GRHL2: variants seen among roughly 807,000 people sequenced by gnomAD.
GRHL2 encodes the protein grainyhead-like protein 2 homolog.
GRHL2 carries 21 observed loss-of-function variants against 83.8 expected under a neutral mutation model. The observed-to-expected ratio is 0.25, with a 90% CI of 0.18 to 0.36. The LOEUF (loss-of-function observed/expected upper bound fraction) is 0.36. Among genes scored for constraint, GRHL2 ranks in the 10% least tolerant of loss-of-function variants. The pLI is 1.00. For missense variants in GRHL2, 623 were observed against 781.8 expected (o/e 0.80, Z 2.42); for synonymous variants, 280 against 278.9 (o/e 1.00, Z -0.04).
Position 101,573,740 on chromosome 8 carries a change from C to T in GRHL2, c.807C>T (p.Tyr269=). 1.2e-6 allele frequency: 2 copies of T among 1,614,172 alleles called. No individual in the cohort carries two copies. Among genetic ancestry groups the T allele is most frequent in the Non-Finnish European group, 8.5e-7 (1 of 1,180,030 alleles). ...RQKQGEGPMT[Y]LNKGQFYAIT... ...AGCAGGGGGAGGGCCCCATGACCTA[C>T]CTCAACAAAGGACAGTTCTATGCCA... Residue 269 remains tyrosine (Y), a synonymous_variant, in exon 6 of 16, where the codon TAC becomes TAT. Transcript: ENST00000646743.
chr8:101,524,414 G>A (rs1037059444), intron 1 of GRHL2, among the ~76,000 whole-genome samples: 65 of 151,252 alleles, frequency 4.3e-4, no homozygotes, highest in African/African-American at 1.3e-3. Context: ...TTTCTAACAC[G>A]TTACATGCTT....
At chr8:101,531,617 A>G (rs1810931540) in intron 1 of GRHL2, among the ~76,000 whole-genome samples, 1 of 152,206 alleles carries the variant, frequency 6.6e-6, no homozygotes, top group South Asian at 2.1e-4. Flanking sequence ...ATAAGTTGCC[A>G]TCTCTACAAA....
chr8:101,587,945 C>T lies in GRHL2; in HGVS notation c.1003+10426C>T, dbSNP rs377201895. On this transcript the variant is annotated intron_variant, in intron 7 of 15. Coordinates refer to ENST00000646743, the MANE Select transcript of GRHL2 (RefSeq NM_024915.4). ...ATTTAAAGTTTTTCTTCCTTGTTTACAAAACCTAAAACTTGCCAAGTTTTT... is the reference window on the plus strand; with the variant it reads ...ATTTAAAGTTTTTCTTCCTTGTTTATAAAACCTAAAACTTGCCAAGTTTTT... Among the ~76,000 whole-genome samples, 10 of 152,272 alleles carry T rather than the reference C, an allele frequency of 6.6e-5. No individual in the cohort carries two copies. The South Asian group carries it at 1.9e-3, about 28-fold the overall frequency.
chr8:101,534,684 G>A (rs1811006606), intron 1 of GRHL2, among the ~76,000 whole-genome samples: 1 of 152,004 alleles, frequency 6.6e-6, no homozygotes, highest in South Asian at 2.1e-4. Context: ...GGTGCTAGCA[G>A]TGGAGGTAGT....
At chr8:101,514,023 C>T (rs544012972) in intron 1 of GRHL2, among the ~76,000 whole-genome samples, 2 of 152,244 alleles carry the variant, frequency 1.3e-5, no homozygotes, top group East Asian at 3.9e-4. Flanking sequence ...TTATGTTTTA[C>T]AGGAAGTCAT....
downstream of GRHL2, among the ~76,000 whole-genome samples, chr8:101,672,702 A>T (rs546654841): frequency 6.6e-6 from 1 of 151,902 alleles, no homozygotes; most frequent in Non-Finnish European, 1.5e-5. Flanking sequence ...AATACAGAGA[A>T]CGTCACAAAG....
chr8:101,536,032 T>A (rs1282843752), intron 1 of GRHL2, among the ~76,000 whole-genome samples: 1 of 152,132 alleles, frequency 6.6e-6, no homozygotes, highest in African/African-American at 2.4e-5. Context: ...AAGAGCACAA[T>A]TTAGACAGAG....
At chr8:101,646,365 G>T (rs907024980) in intron 13 of GRHL2, among the ~76,000 whole-genome samples, 1 of 152,154 alleles carries the variant, frequency 6.6e-6, no homozygotes, top group Non-Finnish European at 1.5e-5. Context: ...CTGTTTTTCA[G>T]ATTATTTTGA....
chr8:101,568,103 A>C (rs1168295031), intron 4 of GRHL2, among the ~76,000 whole-genome samples: 3 of 152,200 alleles, frequency 2.0e-5, no homozygotes, highest in Non-Finnish European at 2.9e-5. Flanking sequence ...AATTTTTTTT[A>C]ATACTATCCA....
chr8:101,526,525 CTTTTTTTTTTTTTTT>C (rs33928032), intron 1 of GRHL2, among the ~76,000 whole-genome samples: 1 of 109,658 alleles, frequency 9.1e-6, no homozygotes, highest in Admixed American at 1.0e-4. Context: ...TCTTTTTTTC[CTTTTTTTTTTTTTTT>C]TTTTTTGCTT....
intron 12 of GRHL2, among the ~76,000 whole-genome samples, chr8:101,638,061 TA>T (rs980774635): frequency 6.6e-6 from 1 of 152,222 alleles, no homozygotes. Flanking sequence ...TGCTATTTTA[TA>T]CTCAAAGCAA....
At chr8:101,636,098 G>A (rs1390170953) in intron 11 of GRHL2, among the ~76,000 whole-genome samples, 1 of 152,176 alleles carries the variant, frequency 6.6e-6, no homozygotes, top group Non-Finnish European at 1.5e-5. Flanking sequence ...AGATAAAGAT[G>A]ACAAAAGACC....
intron 7 of GRHL2, among the ~76,000 whole-genome samples, chr8:101,577,956 T>C (rs545976129): frequency 6.6e-6 from 1 of 152,310 alleles, no homozygotes; most frequent in East Asian, 1.9e-4. Context: ...CTGTCCAGTG[T>C]TCTTTCCATT....
chr8:101,540,760 A>G (rs1223046896), intron 1 of GRHL2, among the ~76,000 whole-genome samples: 1 of 152,164 alleles, frequency 6.6e-6, no homozygotes, highest in Admixed American at 6.5e-5. Flanking sequence ...ATCCCATAGG[A>G]ATGTCAGCAA....
chr8:101,582,485 C>T lies in GRHL2; in HGVS notation c.1003+4966C>T, dbSNP rs149014697. 4.9e-4 allele frequency among the ~76,000 whole-genome samples: 74 copies of T among 152,252 alleles called. 1 individual carries two copies. In the East Asian group the frequency reaches 0.014, roughly 28 times the overall value. On this transcript the variant is annotated intron_variant, in intron 7 of 15. Coordinates refer to ENST00000646743, the MANE Select transcript of GRHL2 (RefSeq NM_024915.4). Reference sequence around the variant, plus strand: ...AAGCATAGATGGAATTTTCTGGTCTCAAACTCTAAAAGAAACCCTGATTAA... The same window carrying T: ...AAGCATAGATGGAATTTTCTGGTCTTAAACTCTAAAAGAAACCCTGATTAA...
intron 9 of GRHL2, among the ~76,000 whole-genome samples, chr8:101,620,709 C>A (rs890234203): frequency 1.3e-5 from 2 of 152,028 alleles, no homozygotes; most frequent in African/African-American, 2.4e-5. Flanking sequence ...CACCTGATAG[C>A]CAAAGAACAG....
intron 14 of GRHL2, among the ~76,000 whole-genome samples, chr8:101,652,521 GGTGTGTGTGTGGTGT>G (rs1813680656): frequency 1.5e-5 from 1 of 67,924 alleles, no homozygotes; most frequent in Non-Finnish European, 2.5e-5. Flanking sequence ...GTGTGTGTGT[GGTGTGTGTGTGGTGT>G]GTGTGTGTGT....
Position 101,667,216 on chromosome 8 carries a change from C to A in GRHL2, c.*513C>A, listed in dbSNP as rs1263920062. ...TCTGGTCAGACACCTTTAGGTTGCT[C>A]TGGGGAAGGCTGTCTTGCTAAATAC... On this transcript the variant is annotated 3_prime_UTR_variant, in exon 16 of 16. Transcript: ENST00000646743. The A allele has an allele frequency of 5.1e-6, 1 of 195,948 alleles. No individual in the cohort carries two copies. The highest frequency in any genetic ancestry group is 1.1e-5 in the Non-Finnish European group (1 of 93,332). 12.1% of individuals were successfully genotyped at this position (195,948 alleles called of 1,614,324 possible).
rs1297982471 is a variant in GRHL2 at position 101,543,541 on chromosome 8, A to G, written c.216+105A>G. Reference sequence around the variant, plus strand: ...TGTCCCAGGCCAGGGAACTAATAGCATTTCCAAAGTCAATATAGAATTCAG... The same window carrying G: ...TGTCCCAGGCCAGGGAACTAATAGCGTTTCCAAAGTCAATATAGAATTCAG... On this transcript the variant is annotated intron_variant, in intron 2 of 15. Coordinates refer to ENST00000646743, the MANE Select transcript of GRHL2 (RefSeq NM_024915.4). 4 of 1,031,662 alleles carry G rather than the reference A, an allele frequency of 3.9e-6. No homozygotes were observed. In the Admixed American group the frequency reaches 7.6e-5, roughly 20 times the overall value. 63.9% of individuals were successfully genotyped at this position (1,031,662 alleles called of 1,614,324 possible).
Sources: gnomAD v4.1 joint callset for allele counts (sites outside exome capture counted in the v4.1 genomes callset) on GRCh38, gnomAD v4.1.1 for gene constraint, MANE v1.5 for transcripts, NCBI Gene and HGNC (gene_info 2026-07-23, HGNC 2026-07-21) for gene names.